Variants in TBC1D30 observed in about 807,000 individuals in gnomAD.
The protein encoded by TBC1D30 is TBC1 domain family, member 30.
A neutral mutation model predicts 63.2 loss-of-function variants in TBC1D30; 31 were observed. The observed-to-expected ratio is 0.49, with a 90% CI of 0.37 to 0.66. The LOEUF is 0.66. TBC1D30 is among the 30% of genes least tolerant of loss of function. The pLI, the probability that TBC1D30 is intolerant of heterozygous loss-of-function variation, is 0.00. For missense variants in TBC1D30, 810 were observed against 953.6 expected (o/e 0.85, Z 1.98); for synonymous variants, 307 against 361.5 (o/e 0.85, Z 1.71).
chr12:64,856,536 G>A (rs887369301), intron 8 of TBC1D30, among the ~76,000 whole-genome samples: 2 of 152,138 alleles, frequency 1.3e-5, no homozygotes, highest in Admixed American at 1.3e-4. Context: ...GAAACATGTG[G>A]AGTCTCTTTC....
At chr12:64,766,271 C>A (rs186174589) in intron 1 of TBC1D30, among the ~76,000 whole-genome samples, 1 of 151,982 alleles carries the variant, frequency 6.6e-6, no homozygotes, top group Non-Finnish European at 1.5e-5. Context: ...AATAATTTTT[C>A]GAAGAAATAA....
At chr12:64,775,708 T>G (rs1253746957), upstream of TBC1D30, among the ~76,000 whole-genome samples, 1 of 152,114 alleles carries the variant, frequency 6.6e-6, no homozygotes, top group Admixed American at 6.6e-5. Flanking sequence ...GCTGACAATA[T>G]TAGACAGATC....
chr12:64,818,440 ATTT>A, intron 2 of TBC1D30: 10 of 812,394 alleles, frequency 1.2e-5, no homozygotes, highest in Non-Finnish European at 1.3e-5. Flanking sequence ...ACTGTAAACT[ATTT>A]TTTTTTTTTT....
chr12:64,763,067 T>TGCCTCA (rs1190779537), intron 1 of TBC1D30, among the ~76,000 whole-genome samples: 24 of 152,176 alleles, frequency 1.6e-4, no homozygotes, highest in African/African-American at 5.6e-4. Context: ...GCAATTCTCC[T>TGCCTCA]GCCTCAGCCT....
chr12:64,759,593 G>A (rs1870416931), exon 1 of TBC1D30: 2 of 400,156 alleles, frequency 5.0e-6, no homozygotes, highest in Non-Finnish European at 4.5e-6. Flanking sequence ...GCGGAGAACC[G>A]GAGAAAAGGG....
At chr12:64,825,206 A>G (rs1347100119) in intron 1 of TBC1D30, among the ~76,000 whole-genome samples, 173 bp downstream of exon 1, 1 of 152,184 alleles carries the variant, frequency 6.6e-6, no homozygotes, top group Non-Finnish European at 1.5e-5. Context: ...GGAAGGGTAG[A>G]GGGCAGACGG....
chr12:64,794,387 T>C (rs1438748706), intron 2 of TBC1D30, among the ~76,000 whole-genome samples: 2 of 152,160 alleles, frequency 1.3e-5, no homozygotes, highest in African/African-American at 2.4e-5. Flanking sequence ...CTTTTTCCTC[T>C]TTCTGGGGTT....
At chr12:64,801,692 T>C (rs752157300) in intron 2 of TBC1D30, among the ~76,000 whole-genome samples, 5 of 152,168 alleles carry the variant, frequency 3.3e-5, no homozygotes, top group African/African-American at 4.8e-5. Context: ...ATTTATTAAT[T>C]GACAGTGTTA....
chr12:64,831,646 A>G (rs1418763162), intron 4 of TBC1D30, among the ~76,000 whole-genome samples: 2 of 152,198 alleles, frequency 1.3e-5, no homozygotes, highest in Admixed American at 6.5e-5. Context: ...TTTTCTCTCT[A>G]TAATCACATT....
At chr12:64,855,158 T>C (rs1300256798) in intron 8 of TBC1D30, among the ~76,000 whole-genome samples, 1 of 152,212 alleles carries the variant, frequency 6.6e-6, no homozygotes, top group African/African-American at 2.4e-5. Flanking sequence ...CACTCTCTCC[T>C]GGCCTGTAAG....
chr12:64,770,272 A>G (rs1339145289), intron 1 of TBC1D30, among the ~76,000 whole-genome samples: 5 of 151,112 alleles, frequency 3.3e-5, no homozygotes, highest in Non-Finnish European at 5.9e-5. Context: ...ATGTCTGAGT[A>G]TGCTTTGTTT....
intron 8 of TBC1D30, among the ~76,000 whole-genome samples, chr12:64,851,317 C>A (rs917806644): frequency 2.6e-5 from 4 of 152,070 alleles, no homozygotes; most frequent in African/African-American, 9.7e-5. Flanking sequence ...GCATCATCCT[C>A]ATACCAAAAC....
chr12:64,880,425 G>A lies in TBC1D30; in HGVS notation c.*4637G>A, dbSNP rs981715423. 2 of 152,292 alleles carry A rather than the reference G, an allele frequency of 1.3e-5. No homozygotes were observed. Among genetic ancestry groups the A allele is most frequent in the Admixed American group, 6.5e-5 (1 of 15,290 alleles). The allele number at this position is 152,292 out of a possible 1,614,324, so 9.4% of individuals were successfully genotyped here. ...GGAGGCTGAGAAGTCAAAGATCAAC[G>A]TGTCTGCAAATTTGGTATCTGGTGA... On this transcript the variant is annotated 3_prime_UTR_variant, in exon 12 of 12. Coordinates refer to ENST00000539867, the MANE Select transcript of TBC1D30 (RefSeq NM_015279.2).
intron 8 of TBC1D30, among the ~76,000 whole-genome samples, chr12:64,862,789 A>G (rs1250525844): frequency 1.3e-5 from 2 of 152,160 alleles, no homozygotes; most frequent in Non-Finnish European, 2.9e-5. Flanking sequence ...GTCTGAACAC[A>G]TTTCTAAACT....
In TBC1D30 at chr12:64,837,893, A is replaced by G. The variant is rs73325471; in HGVS notation, c.764-790A>G. Reference sequence around the variant, plus strand: ...AACCTCAGATTCTAGTCTCTGAACAAAGATACTCCCATTGTTCATAGGTAA... The same window carrying G: ...AACCTCAGATTCTAGTCTCTGAACAGAGATACTCCCATTGTTCATAGGTAA... On this transcript the variant is annotated intron_variant, in intron 6 of 11. Coordinates refer to ENST00000539867, the MANE Select transcript of TBC1D30 (RefSeq NM_015279.2). Among the ~76,000 whole-genome samples, 93 of 152,320 alleles carry G rather than the reference A, an allele frequency of 6.1e-4. 2 individuals are homozygous for G. Among genetic ancestry groups the G allele is most frequent in the African/African-American group, 2.1e-3 (87 of 41,572 alleles).
At chr12:64,857,068 C>G (rs1050525887) in intron 8 of TBC1D30, among the ~76,000 whole-genome samples, 3 of 152,112 alleles carry the variant, frequency 2.0e-5, no homozygotes, top group African/African-American at 7.2e-5. Context: ...ACCCCAAGAG[C>G]CTGCTTGTTG....
intron 2 of TBC1D30, among the ~76,000 whole-genome samples, chr12:64,793,982 G>A (rs1309588671): frequency 6.6e-6 from 1 of 152,198 alleles, no homozygotes; most frequent in African/African-American, 2.4e-5. Flanking sequence ...TTGAGAGAGA[G>A]TGCTTGTGAA....
chr12:64,833,510 G>A lies in TBC1D30; in HGVS notation c.594+1206G>A, dbSNP rs945155497. ...TGTATGAGATAGATACTTAGTCTTC[G>A]TGTTCAAGAACCGCCCCCCGACACA... is the stretch of plus-strand genomic sequence containing the variant. On this transcript the variant is annotated intron_variant, in intron 5 of 11. Coordinates refer to ENST00000539867, the MANE Select transcript of TBC1D30 (RefSeq NM_015279.2). Among the ~76,000 whole-genome samples the A allele has an allele frequency of 4.6e-5, 7 of 152,088 alleles. No homozygotes were observed. In the East Asian group the frequency reaches 5.8e-4, roughly 13 times the overall value.
chr12:64,836,973 A>C (rs1312017370), intron 6 of TBC1D30, among the ~76,000 whole-genome samples: 1 of 152,218 alleles, frequency 6.6e-6, no homozygotes, highest in Non-Finnish European at 1.5e-5. Flanking sequence ...CTAAGCTGGC[A>C]CCAAACCTGT....
Sources: gnomAD v4.1 joint callset for allele counts (sites outside exome capture counted in the v4.1 genomes callset) on GRCh38, gnomAD v4.1.1 for gene constraint, MANE v1.5 for transcripts, NCBI Gene and HGNC (gene_info 2026-07-23, HGNC 2026-07-21) for gene names.